SSBP2: variants seen among roughly 807,000 people sequenced by gnomAD.
The protein encoded by SSBP2 is single stranded DNA binding protein 2.
In SSBP2, 17 loss-of-function variants were observed where a neutral mutation model predicts 61.8. That is an observed-to-expected ratio of 0.28 (90% CI 0.19 to 0.41). SSBP2 has a LOEUF of 0.41. Among genes scored for constraint, SSBP2 ranks in the 10% least tolerant of loss-of-function variants. The pLI is 1.00. For missense variants in SSBP2, 310 were observed against 458.7 expected (o/e 0.68, Z 2.96); for synonymous variants, 139 against 141.3 (o/e 0.98, Z 0.12).
intron 1 of SSBP2, among the ~76,000 whole-genome samples, chr5:81,671,779 A>T (rs1751595407): frequency 6.6e-6 from 1 of 152,170 alleles, no homozygotes; most frequent in Non-Finnish European, 1.5e-5. Flanking sequence ...AATACAAAGG[A>T]GCATGTGACA....
chr5:81,531,584 GT>G (rs1477459927), intron 4 of SSBP2, among the ~76,000 whole-genome samples: 2 of 152,076 alleles, frequency 1.3e-5, no homozygotes, highest in African/African-American at 4.8e-5. Flanking sequence ...AATGCTTATT[GT>G]GAGGCTTCAG....
chr5:81,558,096 A>G (rs980052838), intron 4 of SSBP2, among the ~76,000 whole-genome samples: 5 of 152,064 alleles, frequency 3.3e-5, no homozygotes, highest in Admixed American at 3.3e-4. Context: ...ACTATCCAAT[A>G]CCCTGTGAAT....
Position 81,493,588 on chromosome 5 carries a change from T to C in SSBP2, c.373-4279A>G, listed in dbSNP as rs1014004065. ...GGCCAACATAGTGAAACCCTATCTCTAGTAAAAAATACAAAAAATTAGCCA... is the reference window on the plus strand; with the variant it reads ...GGCCAACATAGTGAAACCCTATCTCCAGTAAAAAATACAAAAAATTAGCCA... On this transcript the variant is annotated intron_variant, in intron 5 of 16. Transcript: ENST00000320672. Among the ~76,000 whole-genome samples, 5 of 152,076 alleles carry C rather than the reference T, an allele frequency of 3.3e-5. No homozygotes were observed. The East Asian group carries it at 9.7e-4, about 29-fold the overall frequency.
chr5:81,749,324 C>G, intron 1 of SSBP2, among the ~76,000 whole-genome samples: 1 of 152,048 alleles, frequency 6.6e-6, no homozygotes, highest in Admixed American at 6.6e-5. Flanking sequence ...TTTTGTTTTG[C>G]TTTGCTACAT....
At chr5:81,589,448 A>G (rs1229470388) in intron 4 of SSBP2, among the ~76,000 whole-genome samples, 2 of 152,230 alleles carry the variant, frequency 1.3e-5, no homozygotes, top group African/African-American at 2.4e-5. Context: ...TGGTAAAAAT[A>G]AATGCTCTTT....
rs549097166 is a variant in SSBP2 at position 81,595,057 on chromosome 5, G to A, written c.282+20416C>T. On this transcript the variant is annotated intron_variant, in intron 4 of 16. Coordinates refer to ENST00000320672, the MANE Select transcript of SSBP2 (RefSeq NM_012446.5). Reference sequence around the variant, plus strand: ...CAAAAAATTAATGAATCCAGGAGCTGGTTTTTTGAAAAGATCAACAAAATT... The same window carrying A: ...CAAAAAATTAATGAATCCAGGAGCTAGTTTTTTGAAAAGATCAACAAAATT... 2.6e-5 allele frequency among the ~76,000 whole-genome samples: 4 copies of A among 152,186 alleles called. No individual in the cohort carries two copies. In the South Asian group the frequency reaches 8.3e-4, roughly 32 times the overall value.
At chr5:81,708,716 T>C (rs1754568454) in intron 1 of SSBP2, among the ~76,000 whole-genome samples, 2 of 152,010 alleles carry the variant, frequency 1.3e-5, no homozygotes. Flanking sequence ...AGTCTGTATG[T>C]ATGGGCAATG....
chr5:81,548,564 T>C (rs761206375), intron 4 of SSBP2, among the ~76,000 whole-genome samples: 17 of 152,220 alleles, frequency 1.1e-4, no homozygotes, highest in South Asian at 4.1e-4. Flanking sequence ...TAAAGTGAAA[T>C]GACTCAAAAA....
At chr5:81,561,737 C>G (rs1041163579) in intron 4 of SSBP2, among the ~76,000 whole-genome samples, 1 of 152,002 alleles carries the variant, frequency 6.6e-6, no homozygotes, top group Non-Finnish European at 1.5e-5. Context: ...AGAATTGCAT[C>G]AAGATAGCAA....
intron 6 of SSBP2, among the ~76,000 whole-genome samples, chr5:81,477,321 T>A (rs186603023): frequency 6.6e-6 from 1 of 152,310 alleles, no homozygotes; most frequent in Admixed American, 6.5e-5. Flanking sequence ...ACTAATTCTA[T>A]GTCTATTTGT....
At chr5:81,696,402 C>T (rs1427094888) in intron 1 of SSBP2, among the ~76,000 whole-genome samples, 2 of 152,050 alleles carry the variant, frequency 1.3e-5, no homozygotes, top group Non-Finnish European at 2.9e-5. Context: ...TACCATAATA[C>T]GTAAAGGAAG....
chr5:81,622,423 A>C (rs1299033508), intron 3 of SSBP2, among the ~76,000 whole-genome samples: 1 of 152,244 alleles, frequency 6.6e-6, no homozygotes, highest in Non-Finnish European at 1.5e-5. Flanking sequence ...AGTTAAGAGC[A>C]CAGGCACTGG....
At chr5:81,477,274 A>G (rs528366210) in intron 6 of SSBP2, among the ~76,000 whole-genome samples, 1 of 152,178 alleles carries the variant, frequency 6.6e-6, no homozygotes, top group Non-Finnish European at 1.5e-5. Flanking sequence ...ATGCAGGTGT[A>G]TATGTACATG....
At chr5:81,564,707 A>G (rs1171955310) in intron 4 of SSBP2, among the ~76,000 whole-genome samples, 2 of 152,212 alleles carry the variant, frequency 1.3e-5, no homozygotes, top group Admixed American at 1.3e-4. Flanking sequence ...TCTTAGGCAA[A>G]GCCCCATGCA....
At chr5:81,456,860 AAGAC>A (rs780359080) in intron 10 of SSBP2, among the ~76,000 whole-genome samples, 2 of 152,246 alleles carry the variant, frequency 1.3e-5, no homozygotes, top group Non-Finnish European at 2.9e-5. Flanking sequence ...TATTATGGAT[AAGAC>A]AGACAGGTTT....
chr5:81,628,506 T>G (rs770751850), intron 3 of SSBP2, among the ~76,000 whole-genome samples: 5 of 152,180 alleles, frequency 3.3e-5, no homozygotes, highest in Non-Finnish European at 5.9e-5. Context: ...AGAAAGTTTT[T>G]AAAAGCCTAT....
chr5:81,480,653 G>A (rs575940795), intron 6 of SSBP2, among the ~76,000 whole-genome samples: 15 of 152,236 alleles, frequency 9.9e-5, no homozygotes, highest in Admixed American at 3.9e-4. Flanking sequence ...AAATCCACCC[G>A]CCTTGGCCTC....
intron 2 of SSBP2, among the ~76,000 whole-genome samples, chr5:81,637,374 T>C (rs1430764199): frequency 6.6e-6 from 1 of 152,252 alleles, no homozygotes; most frequent in Non-Finnish European, 1.5e-5. Flanking sequence ...GTAACTTCTG[T>C]GTGCTGTTGT....
intron 1 of SSBP2, chr5:81,710,654 A>G (rs1329249008): frequency 2.2e-6 from 1 of 452,490 alleles, no homozygotes; most frequent in Admixed American, 2.4e-5. Context: ...TAAAAAGCAC[A>G]TTTCCATAGA....
Sources: allele counts gnomAD v4.1 joint callset (sites outside exome capture counted in the v4.1 genomes callset), GRCh38; gene constraint gnomAD v4.1.1; transcripts MANE v1.5; gene names NCBI Gene and HGNC (gene_info 2026-07-23, HGNC 2026-07-21).